MED17: variants seen among roughly 807,000 people sequenced by gnomAD.
The protein encoded by MED17 is mediator complex subunit 17.
Under a neutral mutation model 80.8 loss-of-function variants are expected in MED17, and 49 were observed. The observed-to-expected ratio is 0.61, with a 90% CI of 0.48 to 0.77. MED17 has a LOEUF of 0.77. Ranked by LOEUF, MED17 falls within the 30% of genes least tolerant of loss-of-function variation. The probability of loss-of-function intolerance (pLI) is 0.00; values close to 1 mark genes in which losing one functional copy is unlikely to be tolerated. For missense variants in MED17, 718 were observed against 787.0 expected (o/e 0.91, Z 1.05); for synonymous variants, 281 against 280.4 (o/e 1.00, Z -0.02).
At chr11:93,803,515 A>G (rs683660) in intron 9 of MED17, among the ~76,000 whole-genome samples, 143,820 of 152,140 alleles carry the variant, frequency 0.95, 68,567 homozygotes, top group East Asian at 1. Context: ...TTGAGGGTGG[A>G]TTGGGAGAAA....
intron 5 of MED17, 145 bp downstream of exon 5, chr11:93,794,180 A>G: frequency 1.6e-6 from 1 of 607,492 alleles, no homozygotes; most frequent in Non-Finnish European, 2.8e-6. Flanking sequence ...TCAATAAACT[A>G]TTAGTGAATA....
rs529238620 is a variant in MED17, at chr11:93,792,112, C to T, written c.637+1319C>T. Among the ~76,000 whole-genome samples the T allele has an allele frequency of 3.3e-5, 5 of 152,196 alleles. No homozygotes were observed. The East Asian group carries it at 9.6e-4, about 29-fold the overall frequency. The stretch of plus-strand genomic sequence containing the variant: ...GGCTATATGGAAAAACTTCATAGCT[C>T]AATGGGGTAGAAGCTGTGAATATCA... On this transcript the variant is annotated intron_variant, in intron 3 of 11. Transcript: ENST00000251871.
rs1230470966 is a variant in MED17 at position 93,814,686 on chromosome 11, A to G, written c.*2622A>G. 3 of 152,232 alleles carry G rather than the reference A, an allele frequency of 2.0e-5. No homozygotes were observed. The highest frequency in any genetic ancestry group is 4.4e-5 in the Non-Finnish European group (3 of 68,032). 9.4% of individuals were successfully genotyped at this position (152,232 alleles called of 1,614,324 possible). A position where few individuals can be genotyped will look rare whatever the true frequency, so the allele number is the denominator to read the frequency against. ...AAGTGTGCTTCTAAGAGTCAAGCCA[A>G]TTAGAAAAAATGGTTGAGACACCAG... On this transcript the variant is annotated 3_prime_UTR_variant, in exon 12 of 12. Transcript: ENST00000251871.
At chr11:93,802,109 G>GT (rs142446531) in intron 9 of MED17, 137 bp downstream of exon 9, 32,230 of 549,028 alleles carry the variant, frequency 0.059, 25 homozygotes, top group East Asian at 0.15. Context: ...GCTGTAGAGT[G>GT]TTTTTTTTTT....
intron 9 of MED17, among the ~76,000 whole-genome samples, chr11:93,804,003 A>ATGTGTG (rs1943994734): frequency 3.3e-4 from 2 of 6,118 alleles, no homozygotes; most frequent in African/African-American, 4.5e-4. Flanking sequence ...GTGTGTGTAT[A>ATGTGTG]TATATATATA....
At chr11:93,796,032 G>C (rs1943896635) in intron 6 of MED17, 1 of 278,252 alleles carries the variant, frequency 3.6e-6, no homozygotes, top group Admixed American at 5.0e-5. Flanking sequence ...ACTGCAACCT[G>C]TCCACTTCCC....
chr11:93,797,011 C>G, intron 7 of MED17: 1 of 209,390 alleles, frequency 4.8e-6, no homozygotes, highest in South Asian at 8.2e-5. Flanking sequence ...ACCCCAAAAC[C>G]TGGTTCAGTT....
chr11:93,801,229 T>C (rs899739734), intron 8 of MED17: 10 of 152,418 alleles, frequency 6.6e-5, no homozygotes, highest in African/African-American at 2.4e-4. Context: ...TTAAATGATA[T>C]GTTAGTAAGA....
chr11:93,801,600 T>A, intron 8 of MED17: 1 of 496,562 alleles, frequency 2.0e-6, no homozygotes, highest in Non-Finnish European at 3.6e-6. Flanking sequence ...TGAATCATGA[T>A]AATCAGGGGT....
intron 5 of MED17, chr11:93,794,391 A>T: frequency 3.6e-6 from 1 of 276,444 alleles, no homozygotes; most frequent in South Asian, 3.8e-5. Flanking sequence ...TTTAGTAGAG[A>T]TGGGGTTTCT....
intron 5 of MED17, 135 bp downstream of exon 5, chr11:93,794,170 T>A (rs1943874924): frequency 6.0e-6 from 4 of 671,418 alleles, no homozygotes; most frequent in Non-Finnish European, 1.0e-5. Context: ...CTAAAATTTA[T>A]CAATAAACTA....
intron 6 of MED17, chr11:93,796,129 T>C: frequency 5.4e-6 from 2 of 368,860 alleles, no homozygotes; most frequent in Middle Eastern, 9.4e-4. Flanking sequence ...TTTTTTGTGT[T>C]TTTAGTAGAG....
chr11:93,794,686 T>C (rs981055381), intron 5 of MED17: 14 of 577,318 alleles, frequency 2.4e-5, no homozygotes, highest in Middle Eastern at 4.7e-4. Context: ...GAATGAAAGA[T>C]TGGGGTGGTG....
At position 93,794,958 on chromosome 11, in the gene MED17, T is replaced by C. The variant is rs780547843; in HGVS notation, c.910T>C (p.Cys304Arg). ...AGAAGCGGCACAGAATGTTCTCTTATGTAAAGAAATTTTTGCACAGCTCTC... is the reference window on the plus strand; with the variant it reads ...AGAAGCGGCACAGAATGTTCTCTTACGTAAAGAAATTTTTGCACAGCTCTC... ...KLEAAQNVLL[C>R]KEIFAQLSRE... is the part of the protein sequence containing the mutation. Residue 304 changes from cysteine (C) to arginine (R), a missense_variant, in exon 6 of 12, where the codon TGT becomes CGT. Cys to Arg is a radical substitution (Grantham distance 180, BLOSUM62 -3). Coordinates refer to ENST00000251871, the MANE Select transcript of MED17 (RefSeq NM_004268.5). 21 of 1,614,048 alleles carry C rather than the reference T, an allele frequency of 1.3e-5. No homozygotes were observed. The South Asian group carries it at 1.8e-4, about 14-fold the overall frequency.
At chr11:93,793,519 T>C in intron 3 of MED17, 1 of 507,446 alleles carries the variant, frequency 2.0e-6, no homozygotes, top group East Asian at 3.5e-5. Flanking sequence ...GAAGTGTTTT[T>C]TTTTTTTAAG....
rs770961174 is a variant in MED17 at position 93,796,465 on chromosome 11, A to G, written c.1068A>G (p.Lys356=). The part of the protein sequence containing the change: ...CHSSNDKKSQ[K]FATEKQCPED... The stretch of plus-strand genomic sequence containing the variant: ...CCTCAAATGATAAGAAATCCCAAAA[A>G]TTTGCTACTGAGAAGCAATGTCCGG... Residue 356 remains lysine, a synonymous_variant, in exon 7 of 12, where the codon AAA becomes AAG. Transcript: ENST00000251871. The G allele has an allele frequency of 2.5e-6, 4 of 1,613,708 alleles. No individual in the cohort carries two copies. The South Asian group carries it at 3.3e-5, about 13-fold the overall frequency.
intron 7 of MED17, chr11:93,796,898 C>G (rs944103784): frequency 3.3e-6 from 1 of 301,692 alleles, no homozygotes; most frequent in Admixed American, 4.5e-5. Flanking sequence ...ACTTACAGAT[C>G]ATCTACAACT....
chr11:93,808,534 T>C (rs1944052010), intron 10 of MED17: 1 of 150,844 alleles, frequency 6.6e-6, no homozygotes, highest in Non-Finnish European at 1.5e-5. Flanking sequence ...TACTGAATTG[T>C]GAGATATAGG....
intron 6 of MED17, chr11:93,795,287 A>C: frequency 1.0e-5 from 6 of 592,990 alleles, no homozygotes; most frequent in Non-Finnish European, 1.8e-5. Context: ...AAAAATTTGC[A>C]CTTATGTAGT....
Sources: gnomAD v4.1 joint callset for allele counts (sites outside exome capture counted in the v4.1 genomes callset) on GRCh38, gnomAD v4.1.1 for gene constraint, MANE v1.5 for transcripts, NCBI Gene and HGNC (gene_info 2026-07-23, HGNC 2026-07-21) for gene names.